SGCZ: variants seen among roughly 807,000 people sequenced by gnomAD.
SGCZ encodes the protein sarcoglycan zeta.
SGCZ carries 40 observed loss-of-function variants against 41.3 expected under a neutral mutation model. The observed-to-expected ratio is 0.97, with a 90% CI of 0.75 to 1.26. The LOEUF is 1.26. Among genes scored for constraint, SGCZ ranks in the 50% most tolerant of loss-of-function variants. The probability of loss-of-function intolerance (pLI) is 0.00; values close to 1 mark genes in which losing one functional copy is unlikely to be tolerated. For missense variants in SGCZ, 552 were observed against 369.8 expected (o/e 1.49, Z -4.04); for synonymous variants, 206 against 137.5 (o/e 1.50, Z -3.49).
intron 1 of SGCZ, among the ~76,000 whole-genome samples, chr8:15,149,633 A>C (rs1314770169): frequency 6.6e-6 from 1 of 151,930 alleles, no homozygotes; most frequent in Non-Finnish European, 1.5e-5. Context: ...CTAAGATTGA[A>C]AATATTGAGA....
At chr8:14,595,057 C>T (rs1189060899) in intron 1 of SGCZ, among the ~76,000 whole-genome samples, 1 of 150,038 alleles carries the variant, frequency 6.7e-6, no homozygotes, top group African/African-American at 2.5e-5. Context: ...ATAGAAATGG[C>T]TTTACTTATT....
intron 1 of SGCZ, among the ~76,000 whole-genome samples, chr8:14,865,470 C>T (rs1207246243): frequency 2.0e-5 from 3 of 152,052 alleles, no homozygotes; most frequent in Admixed American, 6.6e-5. Context: ...GTGAATGAAT[C>T]AATCTCTGTA....
chr8:14,161,192 C>G (rs1804033835), intron 5 of SGCZ: 1 of 152,196 alleles, frequency 6.6e-6, no homozygotes. Context: ...ACTAGTCAAT[C>G]TTAACGCTCT....
At chr8:14,557,680 G>T (rs1270597863) in intron 1 of SGCZ, among the ~76,000 whole-genome samples, 2 of 151,864 alleles carry the variant, frequency 1.3e-5, no homozygotes, top group East Asian at 3.9e-4. Context: ...GTTGAATAGG[G>T]TGTCCTTTCC....
In SGCZ at chr8:14,605,557, T is replaced by C. The variant is rs555299690; in HGVS notation, c.40-50631A>G. Among the ~76,000 whole-genome samples the C allele has an allele frequency of 3.5e-4, 53 of 152,222 alleles. 3 individuals are homozygous for C. In the South Asian group the frequency reaches 0.011, roughly 30 times the overall value. The stretch of plus-strand genomic sequence containing the variant: ...ACCACCCACTCCCCAAGCCCCTCCA[T>C]GCCCACTACCCTGCCCAGCGTCTAG... On this transcript the variant is annotated intron_variant, in intron 1 of 7. Transcript: ENST00000382080.
At chr8:14,234,866 GT>G (rs1806698973) in intron 4 of SGCZ, among the ~76,000 whole-genome samples, 2 of 152,030 alleles carry the variant, frequency 1.3e-5, no homozygotes, top group African/African-American at 4.8e-5. Flanking sequence ...CACTTTCTGT[GT>G]TGTGTTTTGT....
rs76758383 is a variant in SGCZ at position 14,436,781 on chromosome 8, G to A, written c.235-112577C>T. Among the ~76,000 whole-genome samples, 404 of 152,304 alleles carry A rather than the reference G, an allele frequency of 2.7e-3. 13 individuals carry two copies. The East Asian group carries it at 0.061, about 23-fold the overall frequency. On this transcript the variant is annotated intron_variant, in intron 2 of 7. Coordinates refer to ENST00000382080, the MANE Select transcript of SGCZ (RefSeq NM_139167.4). ...ATATTTGCAAAGCATTTCTGCTTTA[G>A]TACATTGGTGGTTTAGAGGAAAAGC...
chr8:14,535,490 C>T (rs1325596603), intron 2 of SGCZ, among the ~76,000 whole-genome samples: 2 of 151,996 alleles, frequency 1.3e-5, no homozygotes, highest in East Asian at 3.9e-4. Flanking sequence ...TTATTTCCTC[C>T]TATTTGCCCC....
At chr8:14,507,883 T>A (rs1185559992) in intron 2 of SGCZ, among the ~76,000 whole-genome samples, 1 of 151,390 alleles carries the variant, frequency 6.6e-6, no homozygotes, top group African/African-American at 2.4e-5. Context: ...AGGATTCTCC[T>A]GCCTCAGCCT....
At chr8:14,720,635 A>T (rs7821142) in intron 1 of SGCZ, among the ~76,000 whole-genome samples, 53,528 of 151,808 alleles carry the variant, frequency 0.35, 11,138 homozygotes, top group African/African-American at 0.57. Context: ...CTGTTTCATA[A>T]GTAAGTTTTA....
Position 14,536,788 on chromosome 8 carries a change from A to G in SGCZ, c.234+17944T>C, listed in dbSNP as rs111909026. ...TCCATTTTTTTCCCATTCAACCTTA[A>G]TTTCATCATGAGTTAATGTGAAGAT... On this transcript the variant is annotated intron_variant, in intron 2 of 7. Coordinates refer to ENST00000382080, the MANE Select transcript of SGCZ (RefSeq NM_139167.4). 3.7e-3 allele frequency among the ~76,000 whole-genome samples: 566 copies of G among 151,988 alleles called. 6 individuals carry two copies. Among genetic ancestry groups the G allele is most frequent in the African/African-American group, 0.013 (538 of 41,512 alleles).
chr8:15,003,406 C>A (rs1042704752), intron 1 of SGCZ, among the ~76,000 whole-genome samples: 4 of 152,034 alleles, frequency 2.6e-5, no homozygotes, highest in African/African-American at 9.7e-5. Context: ...CTTTCACCTC[C>A]GGAATTGGCA....
intron 1 of SGCZ, among the ~76,000 whole-genome samples, chr8:14,657,580 C>A (rs980672316): frequency 1.3e-5 from 2 of 152,012 alleles, no homozygotes; most frequent in Non-Finnish European, 2.9e-5. Flanking sequence ...TTCTTGGGAA[C>A]TTTCTGAATT....
chr8:14,749,596 G>A (rs1293401160), intron 1 of SGCZ, among the ~76,000 whole-genome samples: 1 of 151,728 alleles, frequency 6.6e-6, no homozygotes, highest in Non-Finnish European at 1.5e-5. Context: ...GTCTATTCTG[G>A]GACATTTTTC....
intron 2 of SGCZ, among the ~76,000 whole-genome samples, chr8:14,434,153 G>C (rs1320623506): frequency 1.3e-5 from 2 of 152,150 alleles, no homozygotes; most frequent in East Asian, 3.9e-4. Context: ...CATAAGCTGA[G>C]AGATGAGGAC....
At chr8:14,101,624 ACT>A (rs1802024100) in intron 7 of SGCZ, among the ~76,000 whole-genome samples, 1 of 98,586 alleles carries the variant, frequency 1.0e-5, no homozygotes, top group African/African-American at 2.7e-5. Context: ...GAAGAAAAAT[ACT>A]AATGTATACA....
chr8:14,090,763 A>C (rs1585124439), intron 7 of SGCZ, 126 bp from the exon 8 acceptor site: 2 of 817,566 alleles, frequency 2.4e-6, no homozygotes, highest in East Asian at 5.4e-5. Context: ...TTTAGCTGCC[A>C]TGCTTTGTTG....
chr8:14,686,287 G>A (rs1343176372), intron 1 of SGCZ, among the ~76,000 whole-genome samples: 1 of 152,000 alleles, frequency 6.6e-6, no homozygotes, highest in Admixed American at 6.6e-5. Context: ...TATGTTGTAA[G>A]CACTAAATTT....
At chr8:14,712,327 G>A (rs929770574) in intron 1 of SGCZ, among the ~76,000 whole-genome samples, 1 of 152,136 alleles carries the variant, frequency 6.6e-6, no homozygotes, top group African/African-American at 2.4e-5. Flanking sequence ...AGTAAACTTC[G>A]CAGAATTGTA....
Sources: gnomAD v4.1 joint callset for allele counts (sites outside exome capture counted in the v4.1 genomes callset) on GRCh38, gnomAD v4.1.1 for gene constraint, MANE v1.5 for transcripts, NCBI Gene and HGNC (gene_info 2026-07-23, HGNC 2026-07-21) for gene names.